The following ATAD5 variants were observed in gnomAD, a reference collection of about 807,000 sequenced individuals.
ATAD5 encodes the protein ATPase family AAA domain containing 5.
Under a neutral mutation model 176.9 loss-of-function variants are expected in ATAD5, and 58 were observed. The observed-to-expected ratio is 0.33, with a 90% CI of 0.27 to 0.41. The LOEUF (loss-of-function observed/expected upper bound fraction) is 0.41, where lower values mean the gene tolerates loss of function less well. Among genes scored for constraint, ATAD5 ranks in the 10% least tolerant of loss-of-function variants. ATAD5 has a pLI of 1.00. For synonymous variants in ATAD5, 640 were observed against 712.6 expected, an observed-to-expected ratio of 0.90 and a Z score of 1.62; for missense variants, 1,789 against 2,094.1, an observed-to-expected ratio of 0.85 and a Z score of 2.84.
At chr17:30,881,569 C>G (rs1909012865) in intron 18 of ATAD5, among the ~76,000 whole-genome samples, 1 of 152,172 alleles carries the variant, frequency 6.6e-6, no homozygotes, top group African/African-American at 2.4e-5. Context: ...TCTTAAAGAG[C>G]TGGGATTACA....
chr17:30,887,448 G>T (rs1909383806), intron 19 of ATAD5, 76 bp downstream of exon 19: 3 of 1,264,616 alleles, frequency 2.4e-6, no homozygotes, highest in Non-Finnish European at 3.3e-6. Context: ...TGGGTGCAGT[G>T]GCTCATGCCT....
chr17:30,858,274 A>G lies in ATAD5; in HGVS notation c.2907A>G (p.Lys969=), dbSNP rs777987839. Residue 969 remains lysine, a synonymous_variant, in exon 9 of 23, where the codon AAA becomes AAG. Coordinates refer to ENST00000321990, the MANE Select transcript of ATAD5 (RefSeq NM_024857.5). ...SLKKYFPLLL[K]KQIEHQVLSS... is the part of the protein sequence containing the mutation. The stretch of plus-strand genomic sequence containing the variant: ...AAAAATATTTTCCCTTACTCCTAAA[A>G]AAACAAATTGAGCACCAAGTACTTT... The G allele has an allele frequency of 9.4e-6, 15 of 1,587,448 alleles. No individual in the cohort carries two copies. Among genetic ancestry groups the G allele is most frequent in the Middle Eastern group, 1.7e-4 (1 of 5,976 alleles).
intron 4 of ATAD5, among the ~76,000 whole-genome samples, chr17:30,842,273 A>G (rs1906171743): frequency 1.1e-5 from 1 of 92,924 alleles, no homozygotes; most frequent in Admixed American, 1.0e-4. Context: ...CATCTCAAAA[A>G]TAAATAAATA....
chr17:30,892,538 CTTTAAATAATTG>C, intron 19 of ATAD5, 57 bp from the exon 20 acceptor site: 1 of 1,140,408 alleles, frequency 8.8e-7, no homozygotes, highest in South Asian at 2.3e-5. Flanking sequence ...GGATCTCAGG[CTTTAAATAATTG>C]TTTGATACAA....
intron 9 of ATAD5, 149 bp from the exon 10 acceptor site, chr17:30,860,284 A>C (rs1907548855): frequency 4.7e-6 from 4 of 859,286 alleles, no homozygotes; most frequent in Non-Finnish European, 6.9e-6. Context: ...TCAACCTCCC[A>C]AAGTTCTGGG....
chr17:30,875,119 A>G (rs1908582924), intron 14 of ATAD5, among the ~76,000 whole-genome samples: 1 of 152,056 alleles, frequency 6.6e-6, no homozygotes, highest in Non-Finnish European at 1.5e-5. Context: ...AAAGAATAGG[A>G]CACAGATATG....
At chr17:30,877,202 G>A (rs1465356234) in intron 15 of ATAD5, among the ~76,000 whole-genome samples, 1 of 151,884 alleles carries the variant, frequency 6.6e-6, no homozygotes, top group African/African-American at 2.4e-5. Context: ...ATTTTTAGTA[G>A]AGTTGGGATT....
intron 11 of ATAD5, among the ~76,000 whole-genome samples, chr17:30,867,832 T>C (rs1249675630): frequency 1.3e-5 from 2 of 152,210 alleles, no homozygotes; most frequent in African/African-American, 4.8e-5. Context: ...TGCAAATTCC[T>C]GGGCTGAAGC....
rs748923791 is a variant in ATAD5, at chr17:30,893,599, C to T, written c.4746C>T (p.Asp1582=). 6 of 1,613,772 alleles carry T rather than the reference C, an allele frequency of 3.7e-6. No individual in the cohort carries two copies. The highest frequency in any genetic ancestry group is 1.3e-5 in the African/African-American group (1 of 74,930). Residue 1582 remains aspartate, a synonymous_variant, in exon 21 of 23, where the codon GAC becomes GAT. Coordinates refer to ENST00000321990, the MANE Select transcript of ATAD5 (RefSeq NM_024857.5). ...ATGATAGTGATCTATTTGACACTGA[C>T]TTGGACTTTCCTGATCAATCTATTA... is the stretch of plus-strand genomic sequence containing the variant. ...ILDDSDLFDT[D]LDFPDQSISL...
intron 6 of ATAD5, among the ~76,000 whole-genome samples, chr17:30,851,357 G>A (rs547489707): frequency 1.5e-4 from 23 of 151,076 alleles, no homozygotes; most frequent in Non-Finnish European, 1.9e-4. Flanking sequence ...TTAGCCAGGC[G>A]TGGTGGCGGG....
chr17:30,867,788 TAG>T (rs1233260126), intron 11 of ATAD5, among the ~76,000 whole-genome samples: 1 of 152,172 alleles, frequency 6.6e-6, no homozygotes, highest in African/African-American at 2.4e-5. Context: ...ATGTTTTTTG[TAG>T]AGACAGGTTT....
intron 17 of ATAD5, among the ~76,000 whole-genome samples, chr17:30,878,984 G>A (rs919554881): frequency 9.2e-5 from 14 of 151,928 alleles, no homozygotes; most frequent in African/African-American, 3.4e-4. Context: ...CACCTGCCTC[G>A]GCCTCCCAAA....
chr17:30,869,720 G>T, intron 14 of ATAD5, 74 bp downstream of exon 14: 2 of 1,482,904 alleles, frequency 1.3e-6, no homozygotes, highest in Non-Finnish European at 1.8e-6. Context: ...TTAATTATCA[G>T]CATTTTGCCA....
chr17:30,836,429 C>T (rs773233245), intron 2 of ATAD5, among the ~76,000 whole-genome samples: 15 of 152,040 alleles, frequency 9.9e-5, no homozygotes, highest in Admixed American at 2.6e-4. Context: ...TCCACCCACC[C>T]GGCCTCCCAA....
chr17:30,873,038 A>G (rs1597985080), intron 14 of ATAD5, among the ~76,000 whole-genome samples: 2 of 122,038 alleles, frequency 1.6e-5, no homozygotes, highest in African/African-American at 5.6e-5. Context: ...GTGTTATTTC[A>G]TATATTATGT....
chr17:30,862,845 G>T (rs915642414), intron 10 of ATAD5: 7 of 152,090 alleles, frequency 4.6e-5, no homozygotes, highest in African/African-American at 1.7e-4. Flanking sequence ...AATTTGAAAT[G>T]CTCCAAAATC....
At chr17:30,832,539 C>T in intron 1 of ATAD5, 126 bp downstream of exon 1, 2 of 924,092 alleles carry the variant, frequency 2.2e-6, no homozygotes, top group East Asian at 6.1e-5. Context: ...GGACCCACAG[C>T]TGTGACACAT....
Position 30,893,545 on chromosome 17 carries a change from G to A in ATAD5, c.4692G>A (p.Lys1564=), listed in dbSNP as rs200467670. Residue 1564 remains lysine (K), a synonymous_variant, in exon 21 of 23, where the codon AAG becomes AAA. Transcript: ENST00000321990. ...REQPLKKSQK[K]KQKKTLVILD... is the part of the protein sequence containing the mutation. The stretch of plus-strand genomic sequence containing the variant: ...AGCCATTGAAAAAGTCCCAGAAAAA[G>A]AAACAAAAGAAAACATTGGTAATAT... The A allele has an allele frequency of 1.2e-6, 2 of 1,611,244 alleles. No homozygotes were observed. The highest frequency in any genetic ancestry group is 1.7e-6 in the Non-Finnish European group (2 of 1,179,284).
chr17:30,851,830 C>T (rs1015225707), intron 6 of ATAD5, among the ~76,000 whole-genome samples: 1 of 152,160 alleles, frequency 6.6e-6, no homozygotes, highest in African/African-American at 2.4e-5. Flanking sequence ...TATCTGCTCG[C>T]CTCAGCCTTC....
Sources: gnomAD v4.1 joint callset for allele counts (sites outside exome capture counted in the v4.1 genomes callset) on GRCh38, gnomAD v4.1.1 for gene constraint, MANE v1.5 for transcripts, NCBI Gene and HGNC (gene_info 2026-07-23, HGNC 2026-07-21) for gene names.